ANTXR2: variants seen among roughly 807,000 people sequenced by gnomAD.
The protein encoded by ANTXR2 is ANTXR cell adhesion molecule 2, also known as anthrax toxin receptor 2.
Under a neutral mutation model 73.7 loss-of-function variants are expected in ANTXR2, and 44 were observed. That is an observed-to-expected ratio of 0.60 (90% CI 0.47 to 0.77). ANTXR2 has a LOEUF of 0.77. Ranked by LOEUF, ANTXR2 falls within the 30% of genes least tolerant of loss-of-function variation. The probability of loss-of-function intolerance (pLI) is 0.00; values close to 1 mark genes in which losing one functional copy is unlikely to be tolerated. For synonymous variants in ANTXR2, 217 were observed against 205.9 expected (o/e 1.05, Z -0.46); for missense variants, 604 against 592.5 (o/e 1.02, Z -0.20).
intron 3 of ANTXR2, among the ~76,000 whole-genome samples, chr4:80,068,705 G>A (rs950464363): frequency 3.9e-5 from 6 of 152,154 alleles, no homozygotes; most frequent in African/African-American, 9.7e-5. Flanking sequence ...CTGGGAGGTG[G>A]GGGCTGCAGT....
At chr4:80,043,353 C>G (rs1042227232) in intron 7 of ANTXR2, among the ~76,000 whole-genome samples, 1 of 151,996 alleles carries the variant, frequency 6.6e-6, no homozygotes, top group Non-Finnish European at 1.5e-5. Flanking sequence ...CTGAAACCTT[C>G]TCTCCTACTT....
chr4:80,000,635 T>G (rs1411808460), intron 12 of ANTXR2, among the ~76,000 whole-genome samples: 1 of 152,054 alleles, frequency 6.6e-6, no homozygotes, highest in African/African-American at 2.4e-5. Flanking sequence ...ACCAAAAGGG[T>G]AACATTTGCT....
At chr4:80,068,506 C>G (rs1036800825) in intron 3 of ANTXR2, among the ~76,000 whole-genome samples, 1 of 152,112 alleles carries the variant, frequency 6.6e-6, no homozygotes, top group Non-Finnish European at 1.5e-5. Context: ...TGGTGGCTCA[C>G]ACCTATAATC....
In ANTXR2 at chr4:79,983,710, G is replaced by A. The variant is rs35326318; in HGVS notation, c.1179+168C>T. Among the ~76,000 whole-genome samples, 10,576 of 152,000 alleles carry A rather than the reference G, an allele frequency of 0.07. 451 individuals are homozygous for A. The highest frequency in any genetic ancestry group is 0.11 in the Middle Eastern group (31 of 294). Reference sequence around the variant, plus strand: ...AGTTCTTCTAGGCCAGTTTTGCAGCGGCTAGGATGATTCCATAGAAAAAAA... The same window carrying A: ...AGTTCTTCTAGGCCAGTTTTGCAGCAGCTAGGATGATTCCATAGAAAAAAA... On this transcript the variant is annotated intron_variant, in intron 14 of 16. Coordinates refer to ENST00000403729, the MANE Select transcript of ANTXR2 (RefSeq NM_058172.6).
intron 16 of ANTXR2, among the ~76,000 whole-genome samples, chr4:79,932,938 CCTT>C (rs1728117456): frequency 6.6e-6 from 1 of 152,012 alleles, no homozygotes; most frequent in African/African-American, 2.4e-5. Flanking sequence ...GCTCATCACT[CCTT>C]AGTGGCATAA....
intron 12 of ANTXR2, among the ~76,000 whole-genome samples, chr4:80,006,196 GTTACCTTCCAT>G (rs954901663): frequency 1.3e-5 from 2 of 151,920 alleles, no homozygotes; most frequent in African/African-American, 4.8e-5. Context: ...TAGGACTTCA[GTTACCTTCCAT>G]TTACACTTAT....
rs1166701740 is a variant in ANTXR2 at position 79,984,881 on chromosome 4, A to T, written c.1042-18T>A. 1 of 1,578,992 alleles carries T rather than the reference A, an allele frequency of 6.3e-7. No individual in the cohort carries two copies. The highest frequency in any genetic ancestry group is 8.6e-7 in the Non-Finnish European group (1 of 1,158,740). ...TTAATAACCTGTCAAAAAAAATCAAATATAAAAATTTCTATGGCATAGAGA... is the reference window on the plus strand; with the variant it reads ...TTAATAACCTGTCAAAAAAAATCAATTATAAAAATTTCTATGGCATAGAGA... On this transcript the variant is annotated intron_variant, in intron 12 of 16. Transcript: ENST00000403729.
At chr4:80,057,457 T>C (rs1178285890) in intron 3 of ANTXR2, among the ~76,000 whole-genome samples, 1 of 151,986 alleles carries the variant, frequency 6.6e-6, no homozygotes, top group Non-Finnish European at 1.5e-5. Context: ...TATATCGCAA[T>C]AAAAAATATT....
At chr4:80,003,178 T>C (rs894783032) in intron 12 of ANTXR2, among the ~76,000 whole-genome samples, 1 of 152,014 alleles carries the variant, frequency 6.6e-6, no homozygotes, top group Non-Finnish European at 1.5e-5. Flanking sequence ...CCATGAATGA[T>C]AGATTGGATT....
rs561241423 is a variant in ANTXR2 at position 79,945,458 on chromosome 4, T to C, written c.1428+32163A>G. ...AAATAGTTCTTATGCATTTACTCTA[T>C]GCCAGGCAATCTTTTAAGTGTTTCA... is the stretch of plus-strand genomic sequence containing the variant. On this transcript the variant is annotated intron_variant, in intron 16 of 16. Coordinates refer to ENST00000403729, the MANE Select transcript of ANTXR2 (RefSeq NM_058172.6). Among the ~76,000 whole-genome samples the C allele has an allele frequency of 1.1e-3, 173 of 152,248 alleles. 1 individual carries two copies. The highest frequency in any genetic ancestry group is 3.8e-3 in the African/African-American group (159 of 41,560).
intron 12 of ANTXR2, among the ~76,000 whole-genome samples, chr4:80,005,789 A>G (rs1487578458): frequency 6.6e-6 from 1 of 152,132 alleles, no homozygotes; most frequent in African/African-American, 2.4e-5. Flanking sequence ...TTTTGCCAGG[A>G]CTAGACTTTA....
Position 80,009,168 on chromosome 4 carries a change from T to C in ANTXR2, c.946-552A>G, listed in dbSNP as rs1044472003. On this transcript the variant is annotated intron_variant, in intron 11 of 16. Transcript: ENST00000403729. Reference sequence around the variant, plus strand: ...CATTCATAAATCAGATGTTCTCTCATTGAAGCTGAAATATGACCTACACAA... The same window carrying C: ...CATTCATAAATCAGATGTTCTCTCACTGAAGCTGAAATATGACCTACACAA... Among the ~76,000 whole-genome samples, 6 of 152,192 alleles carry C rather than the reference T, an allele frequency of 3.9e-5. No individual in the cohort carries two copies. In the East Asian group the frequency reaches 9.6e-4, roughly 24 times the overall value.
At chr4:79,914,079 G>A (rs1472027481) in intron 16 of ANTXR2, among the ~76,000 whole-genome samples, 1 of 151,838 alleles carries the variant, frequency 6.6e-6, no homozygotes, top group African/African-American at 2.4e-5. Flanking sequence ...TATATGAAGA[G>A]CCCTGTGAAT....
chr4:80,041,830 G>A (rs1445354972), intron 7 of ANTXR2, among the ~76,000 whole-genome samples: 1 of 152,032 alleles, frequency 6.6e-6, no homozygotes, highest in Non-Finnish European at 1.5e-5. Flanking sequence ...AGTATTCCAT[G>A]GTGTATATGT....
At chr4:80,072,288 G>A (rs1458056563) in intron 1 of ANTXR2, 121 bp downstream of exon 1, 3 of 1,129,026 alleles carry the variant, frequency 2.7e-6, no homozygotes, top group Non-Finnish European at 3.6e-6. Context: ...ACAGCAACAG[G>A]GCACCCCTCC....
intron 16 of ANTXR2, among the ~76,000 whole-genome samples, chr4:79,972,957 G>A (rs1044961848): frequency 6.9e-6 from 1 of 144,484 alleles, no homozygotes; most frequent in African/African-American, 2.6e-5. Flanking sequence ...GCGTCCGAAG[G>A]CTTCATTTGT....
chr4:79,974,162 G>A (rs1223429543), intron 16 of ANTXR2, among the ~76,000 whole-genome samples: 1 of 152,158 alleles, frequency 6.6e-6, no homozygotes, highest in African/African-American at 2.4e-5. Flanking sequence ...GTCCATCTGT[G>A]AGAAAAGGCT....
chr4:80,061,559 A>C (rs757084344), intron 3 of ANTXR2, among the ~76,000 whole-genome samples: 12 of 152,162 alleles, frequency 7.9e-5, no homozygotes, highest in Non-Finnish European at 1.5e-4. Flanking sequence ...CCAATTACAC[A>C]GCATCCTGAA....
chr4:79,983,856 T>C (rs1729989416), intron 14 of ANTXR2, 22 bp downstream of exon 14: 2 of 1,553,462 alleles, frequency 1.3e-6, no homozygotes, highest in African/African-American at 1.4e-5. Context: ...TAGCAGCTTC[T>C]ATTTTTTTTT....
Sources: allele counts gnomAD v4.1 joint callset (sites outside exome capture counted in the v4.1 genomes callset), GRCh38; gene constraint gnomAD v4.1.1; transcripts MANE v1.5; gene names NCBI Gene and HGNC (gene_info 2026-07-23, HGNC 2026-07-21).